ADGRB3: variants seen among roughly 807,000 people sequenced by gnomAD.
The protein encoded by ADGRB3 is brain-specific angiogenesis inhibitor 3.
Under a neutral mutation model 193.4 loss-of-function variants are expected in ADGRB3, and 37 were observed. The observed-to-expected ratio is 0.19, with a 90% CI of 0.15 to 0.25. The LOEUF (loss-of-function observed/expected upper bound fraction) is 0.25. Among genes scored for constraint, ADGRB3 ranks in the 10% least tolerant of loss-of-function variants. The pLI is 1.00. For missense variants in ADGRB3, 1,637 were observed against 1,852.9 expected (o/e 0.88, Z 2.14); for synonymous variants, 690 against 644.2 (o/e 1.07, Z -1.08).
At chr6:69,124,771 A>G (rs9354820) in intron 17 of ADGRB3, among the ~76,000 whole-genome samples, 96,997 of 152,086 alleles carry the variant, frequency 0.64, 32,197 homozygotes, top group East Asian at 0.95. Flanking sequence ...ATCAAATATC[A>G]TGAGGAAAAC....
intron 4 of ADGRB3, among the ~76,000 whole-genome samples, chr6:68,936,144 G>A (rs1174055435): frequency 2.0e-5 from 3 of 152,160 alleles, no homozygotes; most frequent in African/African-American, 7.2e-5. Context: ...CAAAGCCATA[G>A]AGTAAGCTTA....
In ADGRB3 at chr6:69,333,015, T is replaced by C. The variant is rs776518717; in HGVS notation, c.3188+7T>C. On this transcript the variant is annotated splice_region_variant and intron_variant, in intron 24 of 31. Transcript: ENST00000370598. ...AGCTCAAACACAGAGCCGGGTAAGC[T>C]GCAATTGGTGGATTTTGAAGGTTAT... The C allele has an allele frequency of 6.2e-7, 1 of 1,612,632 alleles. No individual in the cohort carries two copies. The highest frequency in any genetic ancestry group is 1.1e-5 in the South Asian group (1 of 90,906).
intron 8 of ADGRB3, among the ~76,000 whole-genome samples, chr6:68,974,114 T>C (rs892624331): frequency 6.6e-6 from 1 of 152,178 alleles, no homozygotes; most frequent in African/African-American, 2.4e-5. Flanking sequence ...ATAATTTTAA[T>C]GTGCCTTTTT....
intron 3 of ADGRB3, among the ~76,000 whole-genome samples, chr6:68,756,567 G>C (rs1465713805): frequency 1.3e-5 from 2 of 152,090 alleles, no homozygotes; most frequent in African/African-American, 4.8e-5. Flanking sequence ...CTGTAGTGCA[G>C]GTGCTCACTT....
intron 3 of ADGRB3, among the ~76,000 whole-genome samples, chr6:68,881,730 C>G (rs1209794033): frequency 2.0e-5 from 3 of 152,160 alleles, no homozygotes; most frequent in Non-Finnish European, 4.4e-5. Context: ...GAAGGTAGCT[C>G]TGTCTTTCAA....
intron 28 of ADGRB3, among the ~76,000 whole-genome samples, chr6:69,358,262 C>T (rs1478059561): frequency 6.6e-6 from 1 of 151,838 alleles, no homozygotes; most frequent in Non-Finnish European, 1.5e-5. Context: ...TAACCCAGGC[C>T]TTTGGGGTCT....
chr6:69,377,522 A>G (rs546883896), intron 30 of ADGRB3, among the ~76,000 whole-genome samples: 1 of 151,198 alleles, frequency 6.6e-6, no homozygotes, highest in South Asian at 2.1e-4. Context: ...ACCAGTAAAG[A>G]AGAAGAACCA....
At chr6:69,381,025 GTTTTT>G (rs1013817850) in intron 30 of ADGRB3, among the ~76,000 whole-genome samples, 1 of 151,186 alleles carries the variant, frequency 6.6e-6, no homozygotes, top group African/African-American at 2.4e-5. Flanking sequence ...AACTACAATA[GTTTTT>G]TTTTAAGTGT....
chr6:69,234,302 C>T (rs1350295273), intron 18 of ADGRB3, among the ~76,000 whole-genome samples: 1 of 151,996 alleles, frequency 6.6e-6, no homozygotes, highest in Non-Finnish European at 1.5e-5. Context: ...CCTTCCAGAT[C>T]AGTGAATGCA....
intron 3 of ADGRB3, among the ~76,000 whole-genome samples, chr6:68,715,055 T>A (rs1765466968): frequency 6.6e-6 from 1 of 151,834 alleles, no homozygotes; most frequent in Non-Finnish European, 1.5e-5. Context: ...AAAAATAGCT[T>A]TGATTCATGA....
intron 17 of ADGRB3, 115 bp from the exon 18 acceptor site, chr6:69,233,174 TC>T: frequency 7.3e-7 from 1 of 1,374,886 alleles, no homozygotes; most frequent in Non-Finnish European, 9.9e-7. Flanking sequence ...GATTTTTTTT[TC>T]CTGTACAGGA....
At chr6:69,381,151 G>C (rs1347341563) in intron 30 of ADGRB3, among the ~76,000 whole-genome samples, 1 of 151,680 alleles carries the variant, frequency 6.6e-6, no homozygotes, top group Non-Finnish European at 1.5e-5. Flanking sequence ...CCAGTGACAG[G>C]GTCCTCAAAA....
At chr6:68,955,952 T>G in intron 6 of ADGRB3, 72 bp from the exon 7 acceptor site, 2 of 1,516,092 alleles carry the variant, frequency 1.3e-6, no homozygotes, top group Non-Finnish European at 1.8e-6. Flanking sequence ...AGGGTGGTTT[T>G]ACCAGGTACT....
intron 6 of ADGRB3, among the ~76,000 whole-genome samples, chr6:68,948,026 G>A (rs1238122481): frequency 6.6e-6 from 1 of 152,232 alleles, no homozygotes; most frequent in Non-Finnish European, 1.5e-5. Flanking sequence ...AAGGAAGCGA[G>A]CGGCCTTTGT....
chr6:68,755,455 A>C (rs1454420364), intron 3 of ADGRB3, among the ~76,000 whole-genome samples: 1 of 152,162 alleles, frequency 6.6e-6, no homozygotes, highest in Non-Finnish European at 1.5e-5. Context: ...CAGTGCTATG[A>C]GCGTGCTCAC....
chr6:68,868,336 G>A lies in ADGRB3; in HGVS notation c.758-62223G>A, dbSNP rs187582101. Among the ~76,000 whole-genome samples, 556 of 152,166 alleles carry A rather than the reference G, an allele frequency of 3.7e-3. 2 individuals are homozygous for A. The highest frequency in any genetic ancestry group is 4.4e-3 in the Non-Finnish European group (301 of 68,000). On this transcript the variant is annotated intron_variant, in intron 3 of 31. Transcript: ENST00000370598. ...GTGTCTTTCTTCCCATTCACCTTCC[G>A]CCATGATTGTAAGTTTCTGAGGCCT...
At chr6:69,213,044 G>A (rs1183519037) in intron 17 of ADGRB3, among the ~76,000 whole-genome samples, 4 of 152,124 alleles carry the variant, frequency 2.6e-5, no homozygotes, top group Non-Finnish European at 5.9e-5. Context: ...AGATACATTA[G>A]TGCGGCTATA....
chr6:68,669,838 A>G (rs547695363), intron 3 of ADGRB3, among the ~76,000 whole-genome samples: 1 of 152,010 alleles, frequency 6.6e-6, no homozygotes, highest in South Asian at 2.1e-4. Flanking sequence ...TTTTTACAGA[A>G]CATCCAAACT....
At chr6:68,657,640 A>G (rs1422522355) in intron 3 of ADGRB3, among the ~76,000 whole-genome samples, 3 of 151,352 alleles carry the variant, frequency 2.0e-5, no homozygotes, top group Non-Finnish European at 4.4e-5. Context: ...ACATTTTCCT[A>G]TTACTTTCTA....
Sources: allele counts gnomAD v4.1 joint callset (sites outside exome capture counted in the v4.1 genomes callset), GRCh38; gene constraint gnomAD v4.1.1; transcripts MANE v1.5; gene names NCBI Gene and HGNC (gene_info 2026-07-23, HGNC 2026-07-21).